Variants in TMOD2 observed in about 807,000 individuals in gnomAD.
TMOD2 encodes the protein tropomodulin-2.
In TMOD2, 22 loss-of-function variants were observed where a neutral mutation model predicts 39.9. The ratio of observed to expected loss-of-function variants is 0.55; its 90% CI spans 0.39 to 0.79. The LOEUF (loss-of-function observed/expected upper bound fraction) is 0.79. TMOD2 is among the 30% of genes least tolerant of loss of function. The pLI is 0.00. For missense variants in TMOD2, 386 were observed against 413.3 expected, an observed-to-expected ratio of 0.93 and a Z score of 0.57; for synonymous variants, 123 against 146.1, an observed-to-expected ratio of 0.84 and a Z score of 1.14.
intron 1 of TMOD2, among the ~76,000 whole-genome samples, chr15:51,758,699 G>C (rs149884229): frequency 1.2e-3 from 179 of 152,310 alleles, no homozygotes; most frequent in Non-Finnish European, 1.6e-3. Context: ...GAACAGATGT[G>C]ATTAAAGGGG....
chr15:51,796,238 A>G (rs771962856), intron 7 of TMOD2, among the ~76,000 whole-genome samples: 10 of 152,024 alleles, frequency 6.6e-5, no homozygotes, highest in Non-Finnish European at 1.3e-4. Context: ...TATATATTTT[A>G]TTTATTAATT....
intron 1 of TMOD2, among the ~76,000 whole-genome samples, chr15:51,762,097 C>T (rs554687440): frequency 5.6e-4 from 84 of 149,142 alleles, no homozygotes; most frequent in African/African-American, 2.0e-3. Context: ...TGCAGTGAGC[C>T]GAGATTGCGC....
intron 7 of TMOD2, chr15:51,784,980 A>T (rs1488268434): frequency 1.3e-5 from 2 of 152,248 alleles, no homozygotes; most frequent in African/African-American, 2.4e-5. Flanking sequence ...TCCAAATATA[A>T]TAATCACTTT....
rs78126769 is a variant in TMOD2, at chr15:51,753,233, C to G, written c.-70+1521C>G. ...AAGGACTTACCAACTGGTCCAAAAC[C>G]TTTGAGTGAAAGGTGGTTGGGGAAT... On this transcript the variant is annotated intron_variant, in intron 1 of 9. Coordinates refer to ENST00000249700, the MANE Select transcript of TMOD2 (RefSeq NM_014548.4). 2.2e-4 allele frequency among the ~76,000 whole-genome samples: 33 copies of G among 152,292 alleles called. No individual in the cohort carries two copies. The East Asian group carries it at 6.2e-3, about 28-fold the overall frequency.
Position 51,790,992 on chromosome 15 carries a change from A to G in TMOD2, c.733-7205A>G, listed in dbSNP as rs547777249. On this transcript the variant is annotated intron_variant, in intron 7 of 9. Coordinates refer to ENST00000249700, the MANE Select transcript of TMOD2 (RefSeq NM_014548.4). ...CCACTCCTATTCAACATAGTATTAG[A>G]AGTTCTGGCCAGGACAATCAGGCAA... Among the ~76,000 whole-genome samples the G allele has an allele frequency of 2.0e-5, 3 of 152,364 alleles. No homozygotes were observed. In the South Asian group the frequency reaches 6.2e-4, roughly 32 times the overall value.
At chr15:51,770,141 C>T (rs1319411233) in intron 3 of TMOD2, among the ~76,000 whole-genome samples, 2 of 152,206 alleles carry the variant, frequency 1.3e-5, no homozygotes, top group Admixed American at 1.3e-4. Flanking sequence ...CTACCTGCAT[C>T]TGGCCTTCCC....
At chr15:51,763,962 C>G (rs1390991457) in intron 1 of TMOD2, among the ~76,000 whole-genome samples, 1 of 152,024 alleles carries the variant, frequency 6.6e-6, no homozygotes, top group Non-Finnish European at 1.5e-5. Flanking sequence ...CATCCTTGTC[C>G]TGTGTGATGC....
intron 4 of TMOD2, among the ~76,000 whole-genome samples, chr15:51,774,315 G>C (rs867577484): frequency 5.3e-5 from 8 of 152,096 alleles, no homozygotes; most frequent in African/African-American, 1.9e-4. Flanking sequence ...GATAGAAAAA[G>C]GTCAAAGAGT....
At position 51,810,398 on chromosome 15, in the gene TMOD2, T is replaced by C. The variant is rs1464683818; in HGVS notation, c.*1944T>C. 1 of 152,242 alleles carries C rather than the reference T, an allele frequency of 6.6e-6. No individual in the cohort carries two copies. The highest frequency in any genetic ancestry group is 1.5e-5 in the Non-Finnish European group (1 of 68,046). The allele number at this position is 152,242 out of a possible 1,614,324, so 9.4% of individuals were successfully genotyped here. ...AGATTATTTACATCTAGTAGGTATG[T>C]ATGTAGAAATATTACCAAACAGTAT... is the stretch of plus-strand genomic sequence containing the variant. On this transcript the variant is annotated 3_prime_UTR_variant, in exon 10 of 10. Coordinates refer to ENST00000249700, the MANE Select transcript of TMOD2 (RefSeq NM_014548.4).
chr15:51,775,482 T>A (rs538616844), intron 4 of TMOD2, among the ~76,000 whole-genome samples: 1 of 152,238 alleles, frequency 6.6e-6, no homozygotes, highest in South Asian at 2.1e-4. Context: ...AGAAGATATG[T>A]TTGTTGTATG....
rs2056156534 is a variant in TMOD2 at position 51,811,529 on chromosome 15, A to T, written c.*3075A>T. 6.6e-6 allele frequency: 1 copy of T among 152,442 alleles called. No homozygotes were observed. Among genetic ancestry groups the T allele is most frequent in the South Asian group, 2.1e-4 (1 of 4,828 alleles). The allele number at this position is 152,442 out of a possible 1,614,324, so 9.4% of individuals were successfully genotyped here. On this transcript the variant is annotated 3_prime_UTR_variant, in exon 10 of 10. Transcript: ENST00000249700. The stretch of plus-strand genomic sequence containing the variant: ...AGGAGAAAAACCTTAGAAGTCTAGA[A>T]ATCATATGATTAGTTCAGCACTGCA...
At chr15:51,763,548 G>A (rs2055796219) in intron 1 of TMOD2, among the ~76,000 whole-genome samples, 1 of 152,136 alleles carries the variant, frequency 6.6e-6, no homozygotes, top group Non-Finnish European at 1.5e-5. Flanking sequence ...AAAACTAAAA[G>A]CCATTGAACT....
intron 8 of TMOD2, among the ~76,000 whole-genome samples, chr15:51,802,114 A>C (rs1418825158): frequency 6.6e-6 from 1 of 151,936 alleles, no homozygotes; most frequent in Admixed American, 6.6e-5. Flanking sequence ...GAAGAAACAT[A>C]GTGTATGTTA....
At chr15:51,778,118 A>C (rs943660972) in intron 5 of TMOD2, among the ~76,000 whole-genome samples, 1 of 151,784 alleles carries the variant, frequency 6.6e-6, no homozygotes, top group Non-Finnish European at 1.5e-5. Flanking sequence ...CTGGATTAAG[A>C]AAATGTGGCA....
chr15:51,790,395 A>G (rs1212350472), intron 7 of TMOD2, among the ~76,000 whole-genome samples: 7 of 152,216 alleles, frequency 4.6e-5, no homozygotes, highest in Non-Finnish European at 1.0e-4. Context: ...GTCCAGGACC[A>G]GACCGATTTA....
rs1333745127 is a variant in TMOD2, at chr15:51,808,513, T to C, written c.*59T>C. The C allele has an allele frequency of 4.2e-6, 6 of 1,441,550 alleles. No homozygotes were observed. The highest frequency in any genetic ancestry group is 3.7e-5 in the South Asian group (3 of 81,248). 89.3% of individuals were successfully genotyped at this position (1,441,550 alleles called of 1,614,324 possible). A position where few individuals can be genotyped will look rare whatever the true frequency, so the allele number is the denominator to read the frequency against. ...TATGGCCATTGAAAAACAAAAACTCTTCTTCTTCCCCATCAGGACCATTTT... is the reference window on the plus strand; with the variant it reads ...TATGGCCATTGAAAAACAAAAACTCCTCTTCTTCCCCATCAGGACCATTTT... On this transcript the variant is annotated 3_prime_UTR_variant, in exon 10 of 10. Coordinates refer to ENST00000249700, the MANE Select transcript of TMOD2 (RefSeq NM_014548.4).
At chr15:51,792,037 T>C (rs2056015905) in intron 7 of TMOD2, among the ~76,000 whole-genome samples, 1 of 152,194 alleles carries the variant, frequency 6.6e-6, no homozygotes, top group Non-Finnish European at 1.5e-5. Flanking sequence ...GAAGAGGTTC[T>C]GCACAGCAAA....
At chr15:51,774,044 C>T (rs1388810113) in intron 4 of TMOD2, among the ~76,000 whole-genome samples, 5 of 152,222 alleles carry the variant, frequency 3.3e-5, no homozygotes. Flanking sequence ...TAATACCCAT[C>T]TCACAAAACT....
At chr15:51,758,878 G>A (rs1198547903) in intron 1 of TMOD2, among the ~76,000 whole-genome samples, 4 of 152,092 alleles carry the variant, frequency 2.6e-5, no homozygotes, top group Non-Finnish European at 5.9e-5. Flanking sequence ...CATGATCCAG[G>A]CATTGGAATT....
Sources: allele counts gnomAD v4.1 joint callset (sites outside exome capture counted in the v4.1 genomes callset), GRCh38; gene constraint gnomAD v4.1.1; transcripts MANE v1.5; gene names NCBI Gene and HGNC (gene_info 2026-07-23, HGNC 2026-07-21).